The following THSD7B variants were observed in gnomAD, a reference collection of about 807,000 sequenced individuals.
The protein encoded by THSD7B is thrombospondin type-1 domain-containing protein 7B.
In THSD7B, 138 loss-of-function variants were observed where a neutral mutation model predicts 213.6. The ratio of observed to expected loss-of-function variants is 0.65; its 90% CI spans 0.56 to 0.74. The LOEUF (loss-of-function observed/expected upper bound fraction) is 0.74, where lower values mean the gene tolerates loss of function less well. Ranked by LOEUF, THSD7B falls within the 30% of genes least tolerant of loss-of-function variation. THSD7B has a pLI of 0.00. For missense variants in THSD7B, 1,931 were observed against 1,991.5 expected (o/e 0.97, Z 0.58); for synonymous variants, 742 against 687.0 (o/e 1.08, Z -1.25).
intron 2 of THSD7B, among the ~76,000 whole-genome samples, chr2:136,987,551 G>A (rs1685692586): frequency 6.6e-6 from 1 of 152,164 alleles, no homozygotes; most frequent in Admixed American, 6.5e-5. Flanking sequence ...AAAACATGGA[G>A]TTAGGAAGGG....
At chr2:137,429,197 G>C (rs2105037261) in intron 14 of THSD7B, among the ~76,000 whole-genome samples, 1 of 152,242 alleles carries the variant, frequency 6.6e-6, no homozygotes, top group South Asian at 2.1e-4. Flanking sequence ...TGGATATAGG[G>C]TCTCTTTTGG....
chr2:137,252,280 A>AAAC (rs1682198711), intron 10 of THSD7B, among the ~76,000 whole-genome samples: 1 of 150,370 alleles, frequency 6.7e-6, no homozygotes, highest in African/African-American at 2.5e-5. Context: ...AAAAAAAAAA[A>AAAC]AAAAAAAAAA....
chr2:137,057,823 G>A (rs10928592), intron 3 of THSD7B, among the ~76,000 whole-genome samples: 14,534 of 152,138 alleles, frequency 0.096, 934 homozygotes, highest in African/African-American at 0.18. Context: ...TTAGAATGAC[G>A]TACTGGAGAA....
chr2:136,905,175 G>A (rs758166861), intron 2 of THSD7B, among the ~76,000 whole-genome samples: 2 of 152,194 alleles, frequency 1.3e-5, no homozygotes, highest in Non-Finnish European at 2.9e-5. Context: ...AATATATCGA[G>A]CACTCTTATG....
In THSD7B at chr2:137,556,818, A is replaced by G. The variant is rs1159240463; in HGVS notation, c.3139-6403A>G. 2.6e-5 allele frequency among the ~76,000 whole-genome samples: 4 copies of G among 152,236 alleles called. No homozygotes were observed. The South Asian group carries it at 6.2e-4, about 24-fold the overall frequency. Reference sequence around the variant, plus strand: ...ATCCATCTCACTTGCAGAGACACACATAGGCTCAAAAGAAAGGGATGGAGG... The same window carrying G: ...ATCCATCTCACTTGCAGAGACACACGTAGGCTCAAAAGAAAGGGATGGAGG... On this transcript the variant is annotated intron_variant, in intron 15 of 27. Coordinates refer to ENST00000409968, the MANE Select transcript of THSD7B (RefSeq NM_001316349.2).
At chr2:137,396,887 C>G (rs1686206296) in intron 12 of THSD7B, among the ~76,000 whole-genome samples, 2 of 151,014 alleles carry the variant, frequency 1.3e-5, no homozygotes, top group Non-Finnish European at 3.0e-5. Context: ...GTTAGCTCTT[C>G]TTGTTGAATT....
chr2:136,906,770 T>A (rs1384898894), intron 2 of THSD7B, among the ~76,000 whole-genome samples: 1 of 152,034 alleles, frequency 6.6e-6, no homozygotes, highest in Non-Finnish European at 1.5e-5. Context: ...AGTTTTTCTA[T>A]CAAATTTTCA....
chr2:137,316,707 G>A (rs1420912204), intron 12 of THSD7B, among the ~76,000 whole-genome samples: 2 of 149,020 alleles, frequency 1.3e-5, no homozygotes, highest in Non-Finnish European at 3.0e-5. Flanking sequence ...GCAGTGAGCC[G>A]AGATGGTGCC....
At chr2:137,415,802 A>G (rs1226000940) in intron 14 of THSD7B, among the ~76,000 whole-genome samples, 1 of 149,648 alleles carries the variant, frequency 6.7e-6, no homozygotes, top group Non-Finnish European at 1.5e-5. Flanking sequence ...ATCCCCTCAT[A>G]TCAAGTCTTT....
At chr2:137,200,255 A>G (rs1160285738) in intron 7 of THSD7B, among the ~76,000 whole-genome samples, 1 of 152,112 alleles carries the variant, frequency 6.6e-6, no homozygotes, top group Non-Finnish European at 1.5e-5. Context: ...CAATTTGAGT[A>G]TGATATGGAT....
At chr2:137,346,256 T>G (rs1684873553) in intron 12 of THSD7B, among the ~76,000 whole-genome samples, 1 of 151,662 alleles carries the variant, frequency 6.6e-6, no homozygotes, top group South Asian at 2.1e-4. Context: ...TTTTCCCTCT[T>G]CCCTAGTCCA....
chr2:137,021,328 T>C (rs1395243822), intron 2 of THSD7B, among the ~76,000 whole-genome samples: 1 of 152,214 alleles, frequency 6.6e-6, no homozygotes, highest in African/African-American at 2.4e-5. Context: ...TTTGTATAAA[T>C]GTAAGGAGTA....
intron 2 of THSD7B, among the ~76,000 whole-genome samples, chr2:136,940,892 C>T (rs1384053553): frequency 6.8e-4 from 100 of 147,388 alleles, no homozygotes; most frequent in African/African-American, 2.4e-3. Flanking sequence ...TTCTAGGGTA[C>T]ATGTGCACAA....
At chr2:137,150,422 G>A (rs1013261659) in intron 5 of THSD7B, among the ~76,000 whole-genome samples, 1 of 152,072 alleles carries the variant, frequency 6.6e-6, no homozygotes, top group Admixed American at 6.5e-5. Flanking sequence ...GAGATCATGA[G>A]GGTGGTTACC....
At chr2:137,331,031 T>G (rs186730228) in intron 12 of THSD7B, among the ~76,000 whole-genome samples, 1 of 151,880 alleles carries the variant, frequency 6.6e-6, no homozygotes, top group East Asian at 1.9e-4. Flanking sequence ...ATACAGAGTG[T>G]CCATTGGTGC....
chr2:137,014,612 A>C (rs1322235325), intron 2 of THSD7B, among the ~76,000 whole-genome samples: 1 of 152,196 alleles, frequency 6.6e-6, no homozygotes, highest in Non-Finnish European at 1.5e-5. Context: ...TACATGTCTT[A>C]GTCAGGAGCC....
chr2:137,217,483 T>C (rs1233216160), intron 7 of THSD7B, among the ~76,000 whole-genome samples: 1 of 152,182 alleles, frequency 6.6e-6, no homozygotes. Context: ...TTAGGTGAAG[T>C]AGCCAATGCA....
At chr2:136,956,392 C>G (rs1036259241) in intron 2 of THSD7B, among the ~76,000 whole-genome samples, 1 of 152,150 alleles carries the variant, frequency 6.6e-6, no homozygotes, top group Non-Finnish European at 1.5e-5. Flanking sequence ...TCTTTGGAAG[C>G]CTTACAAGTT....
chr2:137,138,157 G>T (rs1679507059), intron 5 of THSD7B, among the ~76,000 whole-genome samples: 1 of 152,120 alleles, frequency 6.6e-6, no homozygotes, highest in Non-Finnish European at 1.5e-5. Flanking sequence ...ACTTCTCAAA[G>T]TGCTAAGGCA....
Sources: gnomAD v4.1 joint callset for allele counts (sites outside exome capture counted in the v4.1 genomes callset) on GRCh38, gnomAD v4.1.1 for gene constraint, MANE v1.5 for transcripts, NCBI Gene and HGNC (gene_info 2026-07-23, HGNC 2026-07-21) for gene names.